The following ANKRD28 variants were observed in gnomAD, a reference collection of about 807,000 sequenced individuals.
ANKRD28 encodes the protein ankyrin repeat domain 28, also known as serine/threonine-protein phosphatase 6 regulatory ankyrin repeat subunit A.
In ANKRD28, 44 loss-of-function variants were observed where a neutral mutation model predicts 126.5. The observed-to-expected ratio is 0.35, with a 90% CI of 0.27 to 0.45. The LOEUF is 0.45. ANKRD28 is among the 20% of genes least tolerant of loss of function. The pLI, the probability that ANKRD28 is intolerant of heterozygous loss-of-function variation, is 1.00. For missense variants in ANKRD28, 1,110 were observed against 1,316.6 expected (o/e 0.84, Z 2.43); for synonymous variants, 442 against 468.5 (o/e 0.94, Z 0.73).
intron 17 of ANKRD28, 23 bp from the exon 18 acceptor site, chr3:15,690,243 A>C (rs769031701): frequency 6.6e-7 from 1 of 1,524,786 alleles, no homozygotes; most frequent in Non-Finnish European, 8.9e-7. Context: ...AAAAATGTAA[A>C]TTTAAAACAT....
chr3:15,784,723 C>T (rs1263976452), intron 2 of ANKRD28, among the ~76,000 whole-genome samples: 1 of 151,854 alleles, frequency 6.6e-6, no homozygotes, highest in Non-Finnish European at 1.5e-5. Context: ...TTGTCAGACT[C>T]GATCAAAAAA....
rs1401019225 is a variant in ANKRD28 at position 15,690,200 on chromosome 3, T to C, written c.1782A>G (p.Gln594=). ...LHLAAYHGHH[Q]ALEVLVQSLL... ...AAGACTGTACCAACACTTCCAGTGCTTGATGGTGACCATGATAGGCCTAGA... is the reference window on the plus strand; with the variant it reads ...AAGACTGTACCAACACTTCCAGTGCCTGATGGTGACCATGATAGGCCTAGA... Residue 594 remains glutamine (Q), a synonymous_variant, in exon 18 of 28, where the codon CAA becomes CAG. Coordinates refer to ENST00000683139, the MANE Select transcript of ANKRD28 (RefSeq NM_001349278.2). 1 of 1,603,292 alleles carries C rather than the reference T, an allele frequency of 6.2e-7. No individual in the cohort carries two copies. Among genetic ancestry groups the C allele is most frequent in the African/African-American group, 1.3e-5 (1 of 74,866 alleles).
intron 1 of ANKRD28, among the ~76,000 whole-genome samples, chr3:15,858,884 C>T (rs560772740): frequency 6.6e-6 from 1 of 152,192 alleles, no homozygotes. Flanking sequence ...CAAAAGAAAA[C>T]AAGTCTGGAA....
At chr3:15,722,283 C>T (rs1031940003) in intron 7 of ANKRD28, among the ~76,000 whole-genome samples, 20 of 152,152 alleles carry the variant, frequency 1.3e-4, no homozygotes, top group African/African-American at 4.6e-4. Flanking sequence ...ATAATGGAGC[C>T]CCAATAAAAA....
chr3:15,850,902 T>C (rs1248407536), intron 1 of ANKRD28, among the ~76,000 whole-genome samples: 1 of 152,204 alleles, frequency 6.6e-6, no homozygotes, highest in Non-Finnish European at 1.5e-5. Flanking sequence ...AACTGGCATC[T>C]GAAGTGGAGG....
chr3:15,796,396 A>T lies in ANKRD28; in HGVS notation c.117+9T>A, dbSNP rs1378936676. ...GAATATAGTAAACATATAAACTTAC[A>T]TATCTTACCAATACATTTCCAGAAG... On this transcript the variant is annotated intron_variant, in intron 1 of 27. Transcript: ENST00000683139. 3 of 1,281,466 alleles carry T rather than the reference A, an allele frequency of 2.3e-6. No homozygotes were observed. Among genetic ancestry groups the T allele is most frequent in the Non-Finnish European group, 3.1e-6 (3 of 982,946 alleles). The allele number at this position is 1,281,466 out of a possible 1,614,324, so 79.4% of individuals were successfully genotyped here.
intron 2 of ANKRD28, among the ~76,000 whole-genome samples, chr3:15,786,036 G>A (rs890030842): frequency 1.3e-5 from 2 of 152,006 alleles, no homozygotes; most frequent in Non-Finnish European, 2.9e-5. Context: ...CTGGGGGGAA[G>A]AACGAATAGA....
chr3:15,743,184 C>G (rs560619175), intron 4 of ANKRD28, among the ~76,000 whole-genome samples: 2 of 152,052 alleles, frequency 1.3e-5, no homozygotes, highest in South Asian at 4.2e-4. Context: ...GCAGCATGCT[C>G]GTTAAGAGTC....
At chr3:15,783,027 G>A (rs1336615753) in intron 2 of ANKRD28, among the ~76,000 whole-genome samples, 2 of 151,696 alleles carry the variant, frequency 1.3e-5, no homozygotes, top group Non-Finnish European at 2.9e-5. Context: ...ATGACAATGG[G>A]ACAGTTTTTT....
At position 15,816,863 on chromosome 3, in the gene ANKRD28, C is replaced by T. The variant is rs1239017958; in HGVS notation, c.28-21557G>A. 1.3e-5 allele frequency among the ~76,000 whole-genome samples: 2 copies of T among 152,074 alleles called. No homozygotes were observed. The highest frequency in any genetic ancestry group is 4.8e-5 in the African/African-American group (2 of 41,396). ...GTGCATAGGTTGTGCATAGATTAAT[C>T]ATAGAGTTAAAACACATCTGAAAAC... On this transcript the variant is annotated intron_variant, in intron 1 of 27. Transcript: ENST00000399451. The surrounding 1 kb of genome is among the most constrained non-coding windows in gnomAD (Gnocchi z 5.0).
chr3:15,802,091 T>C (rs1388177301), upstream of ANKRD28, among the ~76,000 whole-genome samples: 1 of 152,206 alleles, frequency 6.6e-6, no homozygotes. Context: ...GTACAGAGCC[T>C]CACACAATAA....
At chr3:15,759,595 T>A (rs1198662946) in intron 3 of ANKRD28, among the ~76,000 whole-genome samples, 1 of 152,110 alleles carries the variant, frequency 6.6e-6, no homozygotes, top group Non-Finnish European at 1.5e-5. Flanking sequence ...GACTGCAAGT[T>A]AAAGAAAGTG....
intron 2 of ANKRD28, among the ~76,000 whole-genome samples, chr3:15,770,245 C>T (rs1026850854): frequency 1.3e-5 from 2 of 152,108 alleles, no homozygotes; most frequent in Middle Eastern, 3.4e-3. Flanking sequence ...TGATCCTCTT[C>T]CTCCAAGGAA....
intron 3 of ANKRD28, among the ~76,000 whole-genome samples, chr3:15,761,213 T>A (rs1367338198): frequency 1.3e-5 from 2 of 152,174 alleles, no homozygotes; most frequent in East Asian, 3.8e-4. Context: ...TAAGCATTAT[T>A]TCATATTGCT....
chr3:15,797,571 G>GGA lies in ANKRD28; in HGVS notation c.-1051_-1050insTC, dbSNP rs2060334258. ...TTTTGTTTTCTTTAAAAAAAAAAAGGGGGGGGAAAAACATAGTAGTGTATC... is the reference window on the plus strand; with the variant it reads ...TTTTGTTTTCTTTAAAAAAAAAAAGGGAGGGGGGAAAAACATAGTAGTGTATC... On this transcript the variant is annotated 5_prime_UTR_variant, in exon 1 of 28. An upstream open reading frame in the 5' UTR loses its in-frame stop. Transcript: ENST00000683139. The GGA allele has an allele frequency of 1.0e-6, 1 of 984,710 alleles. No individual in the cohort carries two copies. The highest frequency in any genetic ancestry group is 1.8e-5 in the African/African-American group (1 of 57,080). 61.0% of individuals were successfully genotyped at this position (984,710 alleles called of 1,614,324 possible). A position where few individuals can be genotyped will look rare whatever the true frequency, so the allele number is the denominator to read the frequency against.
rs1196873403 is a variant in ANKRD28, at chr3:15,667,289, T to C, written c.*2981A>G. On this transcript the variant is annotated 3_prime_UTR_variant, in exon 28 of 28. Coordinates refer to ENST00000683139, the MANE Select transcript of ANKRD28 (RefSeq NM_001349278.2). ...TTAAAAGGTCCAATATAAGCCAAAT[T>C]AACCCCAAAATTTACAGCTACACTT... 2.6e-5 allele frequency: 4 copies of C among 152,164 alleles called. No homozygotes were observed. Among genetic ancestry groups the C allele is most frequent in the Non-Finnish European group, 4.4e-5 (3 of 68,032 alleles). 9.4% of individuals were successfully genotyped at this position (152,164 alleles called of 1,614,324 possible).
intron 1 of ANKRD28, among the ~76,000 whole-genome samples, chr3:15,822,924 C>T (rs2060976228): frequency 6.6e-6 from 1 of 152,098 alleles, no homozygotes; most frequent in South Asian, 2.1e-4. Context: ...CAAAAGTAGG[C>T]ACATTACTAC....
At chr3:15,704,493 G>A (rs964854465) in intron 14 of ANKRD28, among the ~76,000 whole-genome samples, 2 of 152,062 alleles carry the variant, frequency 1.3e-5, no homozygotes, top group East Asian at 3.9e-4. Context: ...GATGCTGACA[G>A]GGGATTTTTA....
At chr3:15,762,022 C>T (rs2058483627) in intron 3 of ANKRD28, among the ~76,000 whole-genome samples, 1 of 151,736 alleles carries the variant, frequency 6.6e-6, no homozygotes. Flanking sequence ...CCCATCTCTA[C>T]TAAAAATACA....
Sources: allele counts gnomAD v4.1 joint callset (sites outside exome capture counted in the v4.1 genomes callset), GRCh38; gene constraint gnomAD v4.1.1; non-coding constraint Gnocchi (gnomAD v3.1); transcripts MANE v1.5; gene names NCBI Gene and HGNC (gene_info 2026-07-23, HGNC 2026-07-21).